The following PTPN14 variants were observed in gnomAD, a reference collection of about 807,000 sequenced individuals.
PTPN14 encodes the protein protein tyrosine phosphatase non-receptor type 14.
In PTPN14, 53 loss-of-function variants were observed where a neutral mutation model predicts 126.8. That is an observed-to-expected ratio of 0.42 (90% CI 0.34 to 0.53). The LOEUF (loss-of-function observed/expected upper bound fraction) is 0.53, where lower values mean the gene tolerates loss of function less well. PTPN14 is among the 20% of genes least tolerant of loss of function. The probability of loss-of-function intolerance (pLI) is 0.08; values close to 1 mark genes in which losing one functional copy is unlikely to be tolerated. For missense variants in PTPN14, 1,257 were observed against 1,552.9 expected (o/e 0.81, Z 3.20); for synonymous variants, 630 against 599.3 (o/e 1.05, Z -0.75).
chr1:214,461,225 A>G (rs1363903125), intron 2 of PTPN14, among the ~76,000 whole-genome samples: 2 of 152,208 alleles, frequency 1.3e-5, no homozygotes, highest in Non-Finnish European at 2.9e-5. Flanking sequence ...ATTTTAATCC[A>G]CCATACATCC....
At position 214,486,966 on chromosome 1, in the gene PTPN14, C is replaced by T. The variant is rs556528416; in HGVS notation, c.-154-22009G>A. Among the ~76,000 whole-genome samples the T allele has an allele frequency of 4.6e-5, 7 of 152,182 alleles. No homozygotes were observed. The South Asian group carries it at 1.2e-3, about 27-fold the overall frequency. On this transcript the variant is annotated intron_variant, in intron 1 of 18. Coordinates refer to ENST00000366956, the MANE Select transcript of PTPN14 (RefSeq NM_005401.5). Reference sequence around the variant, plus strand: ...CTTCAGCTATTCACATTAATTTATGCGCTTTGATCAGATCCCCAAAGCATC... The same window carrying T: ...CTTCAGCTATTCACATTAATTTATGTGCTTTGATCAGATCCCCAAAGCATC...
intron 9 of PTPN14, among the ~76,000 whole-genome samples, chr1:214,394,270 G>A (rs565123331): frequency 6.6e-6 from 1 of 152,296 alleles, no homozygotes; most frequent in South Asian, 2.1e-4. Flanking sequence ...AGAATCAGGG[G>A]TCACTAGATG....
In PTPN14 at chr1:214,376,202, C is replaced by T; in HGVS notation, c.2907+17G>A. The T allele has an allele frequency of 6.2e-7, 1 of 1,604,662 alleles. No individual in the cohort carries two copies. Among genetic ancestry groups the T allele is most frequent in the Non-Finnish European group, 8.5e-7 (1 of 1,172,202 alleles). On this transcript the variant is annotated intron_variant, in intron 15 of 18. Coordinates refer to ENST00000366956, the MANE Select transcript of PTPN14 (RefSeq NM_005401.5). Reference sequence around the variant, plus strand: ...CAGCCATCTTTACCAAACCTTCTAACAGGCTTGCCTTCTTACCTTGATGTG... The same window carrying T: ...CAGCCATCTTTACCAAACCTTCTAATAGGCTTGCCTTCTTACCTTGATGTG...
At chr1:214,536,161 CGGGGT>C (rs1655699084) in intron 1 of PTPN14, among the ~76,000 whole-genome samples, 10 of 19,972 alleles carry the variant, frequency 5.0e-4, no homozygotes, top group African/African-American at 1.7e-3. Context: ...AGGCCAAGGC[CGGGGT>C]GGGGTGGGGG....
chr1:214,400,670 A>C (rs1027240521), intron 7 of PTPN14, among the ~76,000 whole-genome samples: 2 of 152,248 alleles, frequency 1.3e-5, no homozygotes, highest in Non-Finnish European at 2.9e-5. Context: ...ATATGACTAT[A>C]TATGGGCTGC....
chr1:214,475,185 C>G (rs1483661303), intron 1 of PTPN14, among the ~76,000 whole-genome samples: 1 of 152,050 alleles, frequency 6.6e-6, no homozygotes. Context: ...CTAAATGATA[C>G]TTTTTAAAGT....
chr1:214,386,537 A>AATTC (rs1434755780), intron 12 of PTPN14, among the ~76,000 whole-genome samples: 5 of 152,232 alleles, frequency 3.3e-5, no homozygotes, highest in African/African-American at 1.2e-4. Flanking sequence ...AATGAAGGTG[A>AATTC]AGTGCATTCG....
At chr1:214,490,748 A>C (rs1661211204) in intron 1 of PTPN14, among the ~76,000 whole-genome samples, 2 of 149,844 alleles carry the variant, frequency 1.3e-5, no homozygotes, top group Middle Eastern at 3.4e-3. Flanking sequence ...ACAGCAGAAG[A>C]ATCACTTGAA....
At chr1:214,483,814 C>T (rs1315896469) in intron 1 of PTPN14, among the ~76,000 whole-genome samples, 2 of 152,146 alleles carry the variant, frequency 1.3e-5, no homozygotes, top group East Asian at 3.9e-4. Context: ...TCCTTGTCTT[C>T]TTAAGTTATA....
At chr1:214,449,394 C>T (rs1016670125) in intron 3 of PTPN14, among the ~76,000 whole-genome samples, 2 of 152,186 alleles carry the variant, frequency 1.3e-5, no homozygotes, top group Non-Finnish European at 2.9e-5. Context: ...ACTGCTCTTT[C>T]TCACCAATAG....
rs1412841132 is a variant in PTPN14 at position 214,352,187 on chromosome 1, A to G, written c.*5735T>C. On this transcript the variant is annotated 3_prime_UTR_variant, in exon 19 of 19. Coordinates refer to ENST00000366956, the MANE Select transcript of PTPN14 (RefSeq NM_005401.5). ...CATCCTCTTCTTTACTGTACCAAAC[A>G]ACAATCATTTTCCAGTCTATGAAAT... 6.6e-6 allele frequency: 1 copy of G among 152,226 alleles called. No homozygotes were observed. Among genetic ancestry groups the G allele is most frequent in the Non-Finnish European group, 1.5e-5 (1 of 68,036 alleles). 9.4% of individuals were successfully genotyped at this position (152,226 alleles called of 1,614,324 possible).
intron 3 of PTPN14, among the ~76,000 whole-genome samples, chr1:214,425,590 C>A (rs1659643536): frequency 6.6e-6 from 1 of 152,020 alleles, no homozygotes; most frequent in African/African-American, 2.4e-5. Context: ...TTATTATGGC[C>A]ACATATTTAA....
chr1:214,528,648 G>C (rs1042230369), intron 1 of PTPN14: 1 of 152,076 alleles, frequency 6.6e-6, no homozygotes, highest in African/African-American at 2.4e-5. Context: ...TGAGGTATGG[G>C]GGCTGGGCGC....
chr1:214,528,045 C>T (rs1655444608), intron 1 of PTPN14, among the ~76,000 whole-genome samples: 1 of 152,172 alleles, frequency 6.6e-6, no homozygotes, highest in African/African-American at 2.4e-5. Flanking sequence ...AACTTTAAGT[C>T]ATCGATATCT....
chr1:214,481,337 T>C (rs1208811284), intron 1 of PTPN14, among the ~76,000 whole-genome samples: 1 of 151,550 alleles, frequency 6.6e-6, no homozygotes, highest in East Asian at 1.9e-4. Context: ...TGAAACCCCA[T>C]CTCTACTAAA....
chr1:214,436,181 G>A lies in PTPN14; in HGVS notation c.344+15624C>T, dbSNP rs371890856. On this transcript the variant is annotated intron_variant, in intron 3 of 18. Transcript: ENST00000366956. ...TACCGCATGTTCTCACTTTTAAGTG[G>A]GAGCTAAACATCTAGAACACATGGG... 8.0e-4 allele frequency among the ~76,000 whole-genome samples: 121 copies of A among 152,178 alleles called. 2 individuals carry two copies. In the South Asian group the frequency reaches 0.024, roughly 30 times the overall value.
chr1:214,442,894 G>A (rs757000813), intron 3 of PTPN14, among the ~76,000 whole-genome samples: 2 of 150,288 alleles, frequency 1.3e-5, no homozygotes, highest in East Asian at 1.9e-4. Context: ...TGCGATCTCC[G>A]CTCACCACAA....
intron 3 of PTPN14, among the ~76,000 whole-genome samples, chr1:214,437,856 T>A (rs1465014975): frequency 6.6e-6 from 1 of 152,164 alleles, no homozygotes. Context: ...TGAAAAGACA[T>A]CAGGATACAG....
At position 214,383,613 on chromosome 1, in the gene PTPN14, G is replaced by A. The variant is rs1658525257; in HGVS notation, c.2242C>T (p.Pro748Ser). 6.2e-7 allele frequency: 1 copy of A among 1,613,300 alleles called. No individual in the cohort carries two copies. The highest frequency in any genetic ancestry group is 1.3e-5 in the African/African-American group (1 of 74,948). The change falls in exon 13 of 19, where the codon CCC (proline) becomes TCC (serine). Residue 748 changes from proline (P) to serine (S), a missense_variant. Around this residue, in one of 3 missense-constraint regions of PTPN14, gnomAD observed 1,021 missense variants for 1,183.3 expected, o/e 0.86. Transcript: ENST00000366956. This position sits in a 1 kb window ranked among gnomAD's most constrained non-coding sequence, Gnocchi z 4.4. ...QAALARIPNK[P>S]PPEYPGPRKS... ...CTTGGACCGGGGTACTCAGGCGGGGGCTTGTTGGGGATGCGGGCCAGGGCC... is the reference window on the plus strand; with the variant it reads ...CTTGGACCGGGGTACTCAGGCGGGGACTTGTTGGGGATGCGGGCCAGGGCC...
Sources: allele counts gnomAD v4.1 joint callset (sites outside exome capture counted in the v4.1 genomes callset), GRCh38; gene constraint gnomAD v4.1.1; regional missense constraint gnomAD v4.1.1; non-coding constraint Gnocchi (gnomAD v3.1); transcripts MANE v1.5; gene names NCBI Gene and HGNC (gene_info 2026-07-23, HGNC 2026-07-21).